The following HDAC2 variants were observed in gnomAD, a reference collection of about 807,000 sequenced individuals.
HDAC2 encodes the protein YY1-associated factor 1.
A neutral mutation model predicts 68.5 loss-of-function variants in HDAC2; 5 were observed. The ratio of observed to expected loss-of-function variants is 0.07; its 90% CI spans 0.04 to 0.15. The LOEUF (loss-of-function observed/expected upper bound fraction) is 0.15. HDAC2 is among the 10% of genes least tolerant of loss of function. HDAC2 has a pLI of 1.00. For missense variants in HDAC2, 291 were observed against 600.8 expected, an observed-to-expected ratio of 0.48 and a Z score of 5.39; for synonymous variants, 182 against 191.3, an observed-to-expected ratio of 0.95 and a Z score of 0.40.
chr6:113,971,000 C>A lies in HDAC2; in HGVS notation c.-92G>T. The A allele has an allele frequency of 6.3e-7, 1 of 1,576,456 alleles. No individual in the cohort carries two copies. Among genetic ancestry groups the A allele is most frequent in the African/African-American group, 1.3e-5 (1 of 74,392 alleles). ...GCGGCTCGGCCGGGAGAGAAAAGGG[C>A]TGAGGGAAACGTGGGGGCGATAGTC... On this transcript the variant is annotated 5_prime_UTR_variant, in exon 1 of 14. Transcript: ENST00000519065.
Position 113,938,016 on chromosome 6 carries a change from AG to A in HDAC2, c.*3041del, listed in dbSNP as rs1403485725. On this transcript the variant is annotated 3_prime_UTR_variant, in exon 14 of 14. Transcript: ENST00000519065. ...CGAACAATTAGCTGGGCGTGGTGACAGGCGCCTGTAATCCCAGCTACTCAGG... is the reference window on the plus strand; with the variant it reads ...CGAACAATTAGCTGGGCGTGGTGACAGCGCCTGTAATCCCAGCTACTCAGG... 1.3e-5 allele frequency: 2 copies of A among 152,120 alleles called. No homozygotes were observed. Among genetic ancestry groups the A allele is most frequent in the Non-Finnish European group, 2.9e-5 (2 of 68,034 alleles). The allele number at this position is 152,120 out of a possible 1,614,324, so 9.4% of individuals were successfully genotyped here.
chr6:113,966,309 G>A (rs541746719), intron 1 of HDAC2, among the ~76,000 whole-genome samples: 3 of 152,258 alleles, frequency 2.0e-5, no homozygotes, highest in African/African-American at 7.2e-5. Context: ...CAGCACTTAG[G>A]GAGGCTGAGG....
intron 7 of HDAC2, 37 bp from the exon 8 acceptor site, chr6:113,949,124 A>C (rs373805045): frequency 2.5e-6 from 4 of 1,608,764 alleles, no homozygotes; most frequent in Non-Finnish European, 3.4e-6. Context: ...ATCTCCAATA[A>C]CATTCTGAAA....
intron 12 of HDAC2, 99 bp from the exon 13 acceptor site, chr6:113,941,864 T>C: frequency 2.9e-6 from 1 of 344,700 alleles, no homozygotes; most frequent in Non-Finnish European, 5.0e-6. Flanking sequence ...TATAAAAAGT[T>C]ATGCAATCTT....
intron 8 of HDAC2, 80 bp downstream of exon 8, chr6:113,948,899 C>T (rs1776331097): frequency 1.3e-6 from 2 of 1,519,904 alleles, no homozygotes; most frequent in Non-Finnish European, 1.8e-6. Context: ...CAAGAAACTA[C>T]AATGAGAACT....
At position 113,943,370 on chromosome 6, in the gene HDAC2, T is replaced by C; in HGVS notation, c.1359A>G (p.Glu453=). 1 of 1,602,774 alleles carries C rather than the reference T, an allele frequency of 6.2e-7. No individual in the cohort carries two copies. Among genetic ancestry groups the C allele is most frequent in the Non-Finnish European group, 8.5e-7 (1 of 1,177,200 alleles). Residue 453 remains glutamate, a synonymous_variant, in exon 12 of 14, where the codon GAA becomes GAG. Coordinates refer to ENST00000519065, the MANE Select transcript of HDAC2 (RefSeq NM_001527.4). The part of the protein sequence containing the change: ...KKARIEEDKK[E]TEDKKTDVKE... ...TCTGACCTGTTTTTTTGTCCTCTGTTTCTTTCTTATCTTCTTCAATTCTAG... is the reference window on the plus strand; with the variant it reads ...TCTGACCTGTTTTTTTGTCCTCTGTCTCTTTCTTATCTTCTTCAATTCTAG...
chr6:113,946,282 A>T, intron 8 of HDAC2, 134 bp from the exon 9 acceptor site: 1 of 628,384 alleles, frequency 1.6e-6, no homozygotes, highest in Non-Finnish European at 2.7e-6. Context: ...AACAAATAAA[A>T]ATGTAAAAAA....
intron 8 of HDAC2, 41 bp downstream of exon 8, chr6:113,948,938 A>T (rs778312419): frequency 6.2e-7 from 1 of 1,601,900 alleles, no homozygotes; most frequent in Non-Finnish European, 8.5e-7. Context: ...GTGGAAGAAA[A>T]ACCATTTTTT....
In HDAC2 at chr6:113,970,639, G is replaced by A. The variant is rs909639883; in HGVS notation, c.52+218C>T. 7.2e-5 allele frequency: 97 copies of A among 1,345,152 alleles called. No homozygotes were observed. The African/African-American group carries it at 1.3e-3, about 18-fold the overall frequency. 83.3% of individuals were successfully genotyped at this position (1,345,152 alleles called of 1,614,324 possible). On this transcript the variant is annotated intron_variant, in intron 1 of 13. Transcript: ENST00000519065. ...AAGGGGGAGAGGCAGGAGACAAGAC[G>A]GGCGGGCCCCCTGATTCCCGCCCGC...
chr6:113,944,456 G>A (rs1380708984), intron 10 of HDAC2, 46 bp from the exon 11 acceptor site: 1 of 1,553,586 alleles, frequency 6.4e-7, no homozygotes, highest in South Asian at 1.1e-5. Context: ...AAATTTCTTT[G>A]CAGTTCTTAC....
chr6:113,951,519 G>C (rs1776415913), intron 6 of HDAC2, among the ~76,000 whole-genome samples: 1 of 146,792 alleles, frequency 6.8e-6, no homozygotes, highest in Non-Finnish European at 1.5e-5. Context: ...CCAGGCTGGA[G>C]TGCAGTGGAG....
chr6:113,956,516 A>T, intron 4 of HDAC2, 103 bp downstream of exon 4: 1 of 788,038 alleles, frequency 1.3e-6, no homozygotes, highest in East Asian at 2.6e-5. Context: ...TCCTTTTGTT[A>T]TCAAAATTCA....
rs529706718 is a variant in HDAC2 at position 113,933,050 on chromosome 6, G to C, written c.*8008C>G. The C allele has an allele frequency of 6.6e-6, 1 of 152,180 alleles. No homozygotes were observed. Among genetic ancestry groups the C allele is most frequent in the Admixed American group, 6.5e-5 (1 of 15,296 alleles). 9.4% of individuals were successfully genotyped at this position (152,180 alleles called of 1,614,324 possible). ...AGATGGGTCTTTTTCCTTTATTTGA[G>C]CTTTGTCTTTCCCATGTATATTTAC... On this transcript the variant is annotated 3_prime_UTR_variant, in exon 14 of 14. Coordinates refer to ENST00000519065, the MANE Select transcript of HDAC2 (RefSeq NM_001527.4).
chr6:113,970,842 G>T lies in HDAC2; in HGVS notation c.52+15C>A. The T allele has an allele frequency of 1.3e-6, 2 of 1,536,356 alleles. No homozygotes were observed. The highest frequency in any genetic ancestry group is 1.2e-5 in the South Asian group (1 of 83,850). ...GGCCCCGCGCGCCCACCCCGACACCGGCCCGGCCGCTCACCGTCGTAGTAG... is the reference window on the plus strand; with the variant it reads ...GGCCCCGCGCGCCCACCCCGACACCTGCCCGGCCGCTCACCGTCGTAGTAG... On this transcript the variant is annotated intron_variant, in intron 1 of 13. Transcript: ENST00000519065.
chr6:113,945,962 G>C, intron 9 of HDAC2, 46 bp downstream of exon 9: 6 of 1,457,506 alleles, frequency 4.1e-6, no homozygotes, highest in Admixed American at 1.7e-5. Flanking sequence ...AGGAGCATCT[G>C]TATTGACAGT....
At position 113,936,441 on chromosome 6, in the gene HDAC2, TTTC is replaced by T. The variant is rs907513725; in HGVS notation, c.*4614_*4616del. On this transcript the variant is annotated 3_prime_UTR_variant, in exon 14 of 14. Transcript: ENST00000519065. ...TTTCTGTAATCTACTTAATGCCATT[TTTC>T]TTGAGATTATCCTTGAGTAAATTAC... 4 of 152,200 alleles carry T rather than the reference TTTC, an allele frequency of 2.6e-5. No individual in the cohort carries two copies. The highest frequency in any genetic ancestry group is 9.6e-5 in the African/African-American group (4 of 41,464). 9.4% of individuals were successfully genotyped at this position (152,200 alleles called of 1,614,324 possible).
Position 113,936,678 on chromosome 6 carries a change from C to T in HDAC2, c.*4380G>A, listed in dbSNP as rs572784044. 5 of 152,398 alleles carry T rather than the reference C, an allele frequency of 3.3e-5. No individual in the cohort carries two copies. Among genetic ancestry groups the T allele is most frequent in the Admixed American group, 2.0e-4 (3 of 15,294 alleles). The allele number at this position is 152,398 out of a possible 1,614,324, so 9.4% of individuals were successfully genotyped here. ...CACTTCCCCTGGCACCACTCTCACCCATCTATCTACCTTTACCTCATAACA... is the reference window on the plus strand; with the variant it reads ...CACTTCCCCTGGCACCACTCTCACCTATCTATCTACCTTTACCTCATAACA... On this transcript the variant is annotated 3_prime_UTR_variant, in exon 14 of 14. Transcript: ENST00000519065.
At position 113,953,390 on chromosome 6, in the gene HDAC2, T is replaced by C. The variant is rs1418028892; in HGVS notation, c.526A>G (p.Ile176Val). The C allele has an allele frequency of 6.3e-7, 1 of 1,576,284 alleles. No individual in the cohort carries two copies. The highest frequency in any genetic ancestry group is 8.7e-7 in the Non-Finnish European group (1 of 1,146,448). ...KYHQRVLYID[I>V]DIHHGDGVEE... Reference sequence around the variant, plus strand: ...ACACCATCACCATGATGAATATCTATATCAATATATAAGACTCTCTGATGA... The same window carrying C: ...ACACCATCACCATGATGAATATCTACATCAATATATAAGACTCTCTGATGA... Residue 176 changes from isoleucine to valine, a missense_variant, in exon 6 of 14, where the codon ATA (isoleucine) becomes GTA (valine). Physicochemically the swap from Ile to Val is conservative, Grantham distance 29 (BLOSUM62 3). Transcript: ENST00000519065.
chr6:113,955,219 C>A (rs1425504060), intron 5 of HDAC2, among the ~76,000 whole-genome samples: 5 of 146,142 alleles, frequency 3.4e-5, no homozygotes, highest in Admixed American at 6.8e-5. Context: ...ACTTCTAATT[C>A]TTTTTTTTTT....
Sources: allele counts gnomAD v4.1 joint callset (sites outside exome capture counted in the v4.1 genomes callset), GRCh38; gene constraint gnomAD v4.1.1; transcripts MANE v1.5; gene names NCBI Gene and HGNC (gene_info 2026-07-23, HGNC 2026-07-21).